The following XKR6 variants were observed in gnomAD, a reference collection of about 807,000 sequenced individuals.
The protein encoded by XKR6 is XK-related protein 6.
XKR6 carries 22 observed loss-of-function variants against 56.7 expected under a neutral mutation model. That is an observed-to-expected ratio of 0.39 (90% CI 0.28 to 0.55). The LOEUF is 0.55. XKR6 is among the 20% of genes least tolerant of loss of function. The pLI is 0.66. For synonymous variants in XKR6, 524 were observed against 387.8 expected, an observed-to-expected ratio of 1.35 and a Z score of -4.13; for missense variants, 852 against 889.0, an observed-to-expected ratio of 0.96 and a Z score of 0.53.
Position 10,999,931 on chromosome 8 carries a change from G to C in XKR6, c.765-75101C>G, listed in dbSNP as rs143250622. 1.9e-3 allele frequency among the ~76,000 whole-genome samples: 292 copies of C among 152,322 alleles called. 1 individual carries two copies. Among genetic ancestry groups the C allele is most frequent in the African/African-American group, 6.7e-3 (278 of 41,572 alleles). ...TTCTTATAAACTAACAAAGGATTAA[G>C]AGAAATATGGGCAAGGAAGGTATTT... On this transcript the variant is annotated intron_variant, in intron 1 of 2. Transcript: ENST00000416569.
chr8:11,013,680 G>A lies in XKR6; in HGVS notation c.765-88850C>T, dbSNP rs78038515. 2.5e-3 allele frequency among the ~76,000 whole-genome samples: 382 copies of A among 152,314 alleles called. 1 individual carries two copies. The highest frequency in any genetic ancestry group is 8.4e-3 in the African/African-American group (351 of 41,552). ...CATTAATTGAGTGCTCCTAGAATTA[G>A]CGGGGATGGGAGGGCCTCCCCTAGC... On this transcript the variant is annotated intron_variant, in intron 1 of 2. Coordinates refer to ENST00000416569, the MANE Select transcript of XKR6 (RefSeq NM_173683.4).
intron 1 of XKR6, among the ~76,000 whole-genome samples, chr8:10,943,387 C>G (rs538483061): frequency 6.6e-6 from 1 of 152,266 alleles, no homozygotes; most frequent in African/African-American, 2.4e-5. Flanking sequence ...TTTCAGTCTC[C>G]CATGGTTGAC....
chr8:10,984,728 C>CTATATATATATATATA (rs1176002840), intron 1 of XKR6, among the ~76,000 whole-genome samples: 15 of 66,860 alleles, frequency 2.2e-4, no homozygotes, highest in African/African-American at 7.5e-4. Flanking sequence ...CTCTCTCTCT[C>CTATATATATATATATA]TCTCTATATA....
chr8:11,018,708 G>A (rs1021987256), intron 1 of XKR6, among the ~76,000 whole-genome samples: 2 of 152,124 alleles, frequency 1.3e-5, no homozygotes, highest in Non-Finnish European at 1.5e-5. Context: ...TGAACACACA[G>A]AACACCAAAA....
chr8:11,155,300 G>A (rs559547514), intron 1 of XKR6, among the ~76,000 whole-genome samples: 3 of 152,268 alleles, frequency 2.0e-5, no homozygotes, highest in African/African-American at 7.2e-5. Context: ...TTAATTACGG[G>A]TCGAGTATTC....
chr8:11,083,638 G>C (rs1797798319), intron 1 of XKR6, among the ~76,000 whole-genome samples: 1 of 152,180 alleles, frequency 6.6e-6, no homozygotes, highest in Non-Finnish European at 1.5e-5. Flanking sequence ...AGTTCATAGA[G>C]AAAAAGCCAA....
intron 1 of XKR6, among the ~76,000 whole-genome samples, chr8:10,960,810 G>C (rs1480818887): frequency 6.6e-6 from 1 of 152,208 alleles, no homozygotes; most frequent in Non-Finnish European, 1.5e-5. Context: ...CACAGCGTAA[G>C]GGCCTGTGAA....
At chr8:11,151,311 A>C (rs1235756834) in intron 1 of XKR6, among the ~76,000 whole-genome samples, 1 of 152,224 alleles carries the variant, frequency 6.6e-6, no homozygotes, top group Non-Finnish European at 1.5e-5. Context: ...CATGTATACT[A>C]ATAAAAATAT....
At chr8:11,109,609 G>A (rs1037060324) in intron 1 of XKR6, 10 of 152,162 alleles carry the variant, frequency 6.6e-5, no homozygotes, top group African/African-American at 2.2e-4. Context: ...AGTCAGCTCT[G>A]GGCGAGTTTA....
intron 1 of XKR6, among the ~76,000 whole-genome samples, chr8:11,152,526 A>C (rs941630172): frequency 2.0e-5 from 3 of 152,236 alleles, no homozygotes; most frequent in Non-Finnish European, 2.9e-5. Context: ...ACATAAGCAT[A>C]ATCTGTTCCT....
chr8:11,003,233 G>T (rs1798287156), intron 1 of XKR6, among the ~76,000 whole-genome samples: 1 of 152,152 alleles, frequency 6.6e-6, no homozygotes, highest in Non-Finnish European at 1.5e-5. Context: ...GCATTGTAGT[G>T]ATCAGGTTCT....
intron 1 of XKR6, among the ~76,000 whole-genome samples, chr8:10,944,972 T>C (rs1252899333): frequency 6.6e-6 from 1 of 152,206 alleles, no homozygotes; most frequent in African/African-American, 2.4e-5. Context: ...CTGAGGCTTC[T>C]GGGAACAGAG....
chr8:11,119,403 G>A (rs879609063), intron 1 of XKR6, among the ~76,000 whole-genome samples: 1 of 152,208 alleles, frequency 6.6e-6, no homozygotes, highest in East Asian at 1.9e-4. Flanking sequence ...AATGTTGACA[G>A]TGGGGTGGTA....
chr8:11,151,339 T>G (rs1373239623), intron 1 of XKR6, among the ~76,000 whole-genome samples: 1 of 152,224 alleles, frequency 6.6e-6, no homozygotes, highest in Non-Finnish European at 1.5e-5. Context: ...CACTGTGCAT[T>G]TGCTAGGTGT....
At chr8:11,006,486 A>G (rs1482975079) in intron 1 of XKR6, among the ~76,000 whole-genome samples, 3 of 152,166 alleles carry the variant, frequency 2.0e-5, no homozygotes, top group East Asian at 1.9e-4. Flanking sequence ...TCCTGTGAGG[A>G]TGTATATTCT....
Position 11,153,400 on chromosome 8 carries a change from T to A in XKR6, c.764+47176A>T, listed in dbSNP as rs74410294. ...GCAGTATCAATAGGTTGGATAACTTTAGCCCCAAAAACTCTACTACTACTG... is the reference window on the plus strand; with the variant it reads ...GCAGTATCAATAGGTTGGATAACTTAAGCCCCAAAAACTCTACTACTACTG... On this transcript the variant is annotated intron_variant, in intron 1 of 2. Transcript: ENST00000416569. Among the ~76,000 whole-genome samples the A allele has an allele frequency of 1.4e-3, 220 of 152,354 alleles. 4 individuals carry two copies. The South Asian group carries it at 0.018, about 13-fold the overall frequency.
chr8:11,092,615 G>T (rs1323018509), intron 1 of XKR6, among the ~76,000 whole-genome samples: 1 of 152,120 alleles, frequency 6.6e-6, no homozygotes, highest in Non-Finnish European at 1.5e-5. Flanking sequence ...GCTGGCCATG[G>T]TCCTGCCCTG....
intron 1 of XKR6, among the ~76,000 whole-genome samples, chr8:11,135,259 G>A (rs558148186): frequency 9.8e-4 from 149 of 152,172 alleles, no homozygotes; most frequent in African/African-American, 3.5e-3. Context: ...TTGATCTCCT[G>A]ACCTCGTGAT....
chr8:11,004,609 A>C (rs1161625221), intron 1 of XKR6, among the ~76,000 whole-genome samples: 2 of 152,246 alleles, frequency 1.3e-5, no homozygotes, highest in African/African-American at 2.4e-5. Context: ...CTGGTTAAAC[A>C]AAACTTGTTG....
Sources: gnomAD v4.1 joint callset for allele counts (sites outside exome capture counted in the v4.1 genomes callset) on GRCh38, gnomAD v4.1.1 for gene constraint, MANE v1.5 for transcripts, NCBI Gene and HGNC (gene_info 2026-07-23, HGNC 2026-07-21) for gene names.